The following REV3L variants were observed in gnomAD, a reference collection of about 807,000 sequenced individuals.
The protein encoded by REV3L is REV3 like, DNA directed polymerase zeta catalytic subunit, also known as DNA polymerase zeta catalytic subunit.
REV3L carries 69 observed loss-of-function variants against 299.4 expected under a neutral mutation model. The ratio of observed to expected loss-of-function variants is 0.23; its 90% confidence interval spans 0.19 to 0.28. The LOEUF (loss-of-function observed/expected upper bound fraction) is 0.28, where lower values mean the gene tolerates loss of function less well. Ranked by LOEUF, REV3L falls within the 10% of genes least tolerant of loss-of-function variation. The pLI, the probability that REV3L is intolerant of heterozygous loss-of-function variation, is 1.00. For missense variants in REV3L, 3,128 were observed against 3,693.8 expected, an observed-to-expected ratio of 0.85 and a Z score of 3.97; for synonymous variants, 1,238 against 1,271.4, an observed-to-expected ratio of 0.97 and a Z score of 0.56.
At chr6:111,432,664 G>A (rs1290127035) in intron 1 of REV3L, among the ~76,000 whole-genome samples, 1 of 152,084 alleles carries the variant, frequency 6.6e-6, no homozygotes, top group Non-Finnish European at 1.5e-5. Flanking sequence ...AATCAAGAAA[G>A]AACACTGGAG....
chr6:111,379,700 A>G (rs1780638056), intron 11 of REV3L, among the ~76,000 whole-genome samples: 1 of 152,180 alleles, frequency 6.6e-6, no homozygotes. Context: ...ATAAGAAGGC[A>G]CTTCAATTTT....
chr6:111,406,624 G>C (rs528394155), intron 3 of REV3L, among the ~76,000 whole-genome samples: 1 of 151,678 alleles, frequency 6.6e-6, no homozygotes, highest in Admixed American at 6.6e-5. Flanking sequence ...GGGTGAGACA[G>C]AAAAGGGGCT....
At chr6:111,464,117 T>TAA (rs972299776) in intron 1 of REV3L, among the ~76,000 whole-genome samples, 3 of 145,862 alleles carry the variant, frequency 2.1e-5, no homozygotes, top group Admixed American at 1.4e-4. Flanking sequence ...AACAAAAATT[T>TAA]AAAAAAAAAA....
intron 7 of REV3L, 71 bp downstream of exon 7, chr6:111,389,035 A>C (rs781101302): frequency 3.5e-6 from 4 of 1,137,932 alleles, no homozygotes; most frequent in South Asian, 1.3e-5. Context: ...TCAAAGGAAC[A>C]ACTCAATGAC....
intron 2 of REV3L, among the ~76,000 whole-genome samples, chr6:111,415,986 G>C (rs1342292026): frequency 6.6e-6 from 1 of 152,156 alleles, no homozygotes; most frequent in Non-Finnish European, 1.5e-5. Flanking sequence ...CTAGAACAGT[G>C]CTTAGCACAT....
At chr6:111,310,243 GAAT>G in intron 29 of REV3L, 144 bp from the exon 30 acceptor site, 1 of 1,066,222 alleles carries the variant, frequency 9.4e-7, no homozygotes, top group Non-Finnish European at 1.3e-6. Context: ...ATTTCTTTGA[GAAT>G]AATATATATA....
chr6:111,385,909 A>G (rs1388168373), intron 9 of REV3L, among the ~76,000 whole-genome samples: 1 of 152,230 alleles, frequency 6.6e-6, no homozygotes, highest in Non-Finnish European at 1.5e-5. Flanking sequence ...TATTTCAAAG[A>G]ATCAGAGCAG....
intron 1 of REV3L, among the ~76,000 whole-genome samples, chr6:111,470,042 T>C (rs1388611862): frequency 1.3e-5 from 2 of 152,224 alleles, no homozygotes; most frequent in Admixed American, 1.3e-4. Flanking sequence ...CAGATTGATA[T>C]TAAAATCTTA....
At position 111,431,409 on chromosome 6, in the gene REV3L, G is replaced by A. The variant is rs151275245; in HGVS notation, c.140-14937C>T. 355 of 987,414 alleles carry A rather than the reference G, an allele frequency of 3.6e-4. No individual in the cohort carries two copies. The African/African-American group carries it at 4.3e-3, about 12-fold the overall frequency. The allele number at this position is 987,414 out of a possible 1,614,324, so 61.2% of individuals were successfully genotyped here. On this transcript the variant is annotated intron_variant, in intron 1 of 31. Coordinates refer to ENST00000368802, the MANE Select transcript of REV3L (RefSeq NM_001372078.1). ...GCTGAAAGCAGTAACAAACTTTGGC[G>A]TTCCGGTTAAAGTTTTTGATTCTGA...
chr6:111,369,576 G>T (rs749107070), intron 13 of REV3L, among the ~76,000 whole-genome samples: 2 of 152,004 alleles, frequency 1.3e-5, no homozygotes, highest in African/African-American at 2.4e-5. Context: ...TATACATGAT[G>T]CAACATATGC....
At chr6:111,319,695 A>G (rs569123345) in intron 26 of REV3L, among the ~76,000 whole-genome samples, 5 of 152,276 alleles carry the variant, frequency 3.3e-5, no homozygotes, top group Admixed American at 1.3e-4. Flanking sequence ...ACCTTCGTCT[A>G]TCAGATTTCC....
chr6:111,424,758 T>C (rs1161827035), intron 1 of REV3L, among the ~76,000 whole-genome samples: 2 of 152,144 alleles, frequency 1.3e-5, no homozygotes, highest in Non-Finnish European at 2.9e-5. Context: ...TTTATTTGAT[T>C]TGAAGAAGGG....
At chr6:111,474,976 G>A (rs1792734977) in intron 1 of REV3L, among the ~76,000 whole-genome samples, 1 of 99,116 alleles carries the variant, frequency 1.0e-5, no homozygotes, top group African/African-American at 4.6e-5. Context: ...ACATTCTATA[G>A]CTGCCTATAT....
intron 19 of REV3L, among the ~76,000 whole-genome samples, chr6:111,349,775 CCA>C (rs1414434971): frequency 6.6e-6 from 1 of 152,142 alleles, no homozygotes; most frequent in Non-Finnish European, 1.5e-5. Flanking sequence ...TGAGAAAGAT[CCA>C]CAGTTAATCT....
chr6:111,332,210 T>C (rs2114834588), intron 23 of REV3L, among the ~76,000 whole-genome samples: 1 of 152,236 alleles, frequency 6.6e-6, no homozygotes, highest in East Asian at 1.9e-4. Context: ...TAGCTGGGAC[T>C]ACAGGTGCCT....
intron 31 of REV3L, among the ~76,000 whole-genome samples, chr6:111,302,000 C>T (rs56827): frequency 0.42 from 63,328 of 152,094 alleles, 15,344 homozygotes; most frequent in Non-Finnish European, 0.55. Context: ...AAATCAAATA[C>T]GCTCTAGTGA....
intron 1 of REV3L, among the ~76,000 whole-genome samples, chr6:111,468,072 G>A (rs535621553): frequency 2.6e-5 from 4 of 152,108 alleles, no homozygotes; most frequent in Non-Finnish European, 4.4e-5. Context: ...GGACTGCCCG[G>A]TCAAAACGAC....
At chr6:111,381,072 TTAAG>T (rs1463833073) in intron 10 of REV3L, among the ~76,000 whole-genome samples, 1 of 152,260 alleles carries the variant, frequency 6.6e-6, no homozygotes, top group African/African-American at 2.4e-5. Flanking sequence ...ATTTTCCTTC[TTAAG>T]TAATACGGTT....
At chr6:111,476,725 T>C (rs1370699877) in intron 1 of REV3L, among the ~76,000 whole-genome samples, 3 of 152,216 alleles carry the variant, frequency 2.0e-5, no homozygotes, top group Admixed American at 2.0e-4. Flanking sequence ...GTAAGAATAA[T>C]ACAACCAGAA....
Sources: allele counts gnomAD v4.1 joint callset (sites outside exome capture counted in the v4.1 genomes callset), GRCh38; gene constraint gnomAD v4.1.1; transcripts MANE v1.5; gene names NCBI Gene and HGNC (gene_info 2026-07-23, HGNC 2026-07-21).